Variants in SYN3 observed in about 807,000 individuals in gnomAD.
SYN3 encodes synapsin-3.
SYN3 carries 35 observed loss-of-function variants against 65.8 expected under a neutral mutation model. The observed-to-expected ratio is 0.53, with a 90% CI of 0.41 to 0.70. The LOEUF (loss-of-function observed/expected upper bound fraction) is 0.70, where lower values mean the gene tolerates loss of function less well. Ranked by LOEUF, SYN3 falls within the 30% of genes least tolerant of loss-of-function variation. The probability of loss-of-function intolerance (pLI) is 0.00; values close to 1 mark genes in which losing one functional copy is unlikely to be tolerated. For synonymous variants in SYN3, 270 were observed against 292.9 expected, an observed-to-expected ratio of 0.92 and a Z score of 0.80; for missense variants, 680 against 749.0, an observed-to-expected ratio of 0.91 and a Z score of 1.08.
At chr22:32,693,110 A>T (rs1601925028) in intron 6 of SYN3, among the ~76,000 whole-genome samples, 1 of 152,230 alleles carries the variant, frequency 6.6e-6, no homozygotes, top group African/African-American at 2.4e-5. Context: ...CCAATTACAT[A>T]CATACATATG....
At chr22:32,538,149 C>T in intron 8 of SYN3, 39 bp from the exon 9 acceptor site, 2 of 1,581,168 alleles carry the variant, frequency 1.3e-6, no homozygotes, top group Non-Finnish European at 1.7e-6. Flanking sequence ...GAATTAGGGA[C>T]CCTCGTCACT....
At chr22:32,615,441 A>AAAAAAAAG (rs1569093389) in intron 6 of SYN3, among the ~76,000 whole-genome samples, 1 of 150,714 alleles carries the variant, frequency 6.6e-6, no homozygotes, top group African/African-American at 2.4e-5. Context: ...CTAAAAAAAA[A>AAAAAAAAG]AAAAAAAAAA....
chr22:32,584,609 C>T, intron 7 of SYN3, among the ~76,000 whole-genome samples: 1 of 152,212 alleles, frequency 6.6e-6, no homozygotes, highest in East Asian at 1.9e-4. Context: ...GAGGGGTCCT[C>T]TGCATCAGTG....
At chr22:32,880,000 G>A (rs1337712717) in intron 4 of SYN3, among the ~76,000 whole-genome samples, 1 of 152,152 alleles carries the variant, frequency 6.6e-6, no homozygotes, top group Admixed American at 6.5e-5. Context: ...AGGAGAGTTG[G>A]GCTATGTGAC....
chr22:33,056,587 T>C (rs1276406086), intron 1 of SYN3, among the ~76,000 whole-genome samples: 1 of 152,248 alleles, frequency 6.6e-6, no homozygotes, highest in Non-Finnish European at 1.5e-5. Context: ...AGACCTCTCT[T>C]GCACTGCACC....
intron 6 of SYN3, among the ~76,000 whole-genome samples, chr22:32,719,170 C>T (rs183540836): frequency 6.6e-6 from 1 of 152,314 alleles, no homozygotes; most frequent in Admixed American, 6.5e-5. Flanking sequence ...GCACCACATA[C>T]TAAAATTACT....
chr22:32,958,093 C>T (rs1467425005), intron 3 of SYN3, among the ~76,000 whole-genome samples: 1 of 152,214 alleles, frequency 6.6e-6, no homozygotes, highest in Admixed American at 6.5e-5. Context: ...CAACAACATG[C>T]TCAACTCACA....
intron 1 of SYN3, chr22:33,057,817 G>A (rs888653183): frequency 1.3e-5 from 2 of 152,612 alleles, no homozygotes; most frequent in African/African-American, 4.8e-5. Context: ...AGGATGACTG[G>A]AAATCGGAAA....
rs2046361389 is a variant in SYN3, at chr22:32,793,260, A to C, written c.711+71655T>G. 2.6e-5 allele frequency among the ~76,000 whole-genome samples: 4 copies of C among 152,324 alleles called. No homozygotes were observed. The South Asian group carries it at 8.3e-4, about 32-fold the overall frequency. ...TGGAGTGACGGGAAGATGATGAGGT[A>C]CTAAGGAGTCTGATTCTTTGTTTGC... On this transcript the variant is annotated intron_variant, in intron 6 of 13. Transcript: ENST00000358763.
At chr22:32,844,288 G>A (rs752390287) in intron 6 of SYN3, among the ~76,000 whole-genome samples, 3 of 152,178 alleles carry the variant, frequency 2.0e-5, no homozygotes, top group Non-Finnish European at 2.9e-5. Flanking sequence ...CAGCACATGT[G>A]CAATTTCTGG....
chr22:32,885,721 C>T (rs1218963391), intron 4 of SYN3, among the ~76,000 whole-genome samples: 1 of 152,072 alleles, frequency 6.6e-6, no homozygotes, highest in East Asian at 1.9e-4. Context: ...CCACCATGCC[C>T]AGCTAATTTT....
At chr22:32,761,386 G>A (rs544325606) in intron 6 of SYN3, among the ~76,000 whole-genome samples, 2 of 152,226 alleles carry the variant, frequency 1.3e-5, no homozygotes, top group Non-Finnish European at 2.9e-5. Context: ...TGAGTCACGA[G>A]AAGGGGTGTG....
intron 6 of SYN3, chr22:32,849,436 C>T: frequency 6.2e-7 from 1 of 1,612,460 alleles, no homozygotes. Flanking sequence ...CTTATTGTCT[C>T]CTTCTGTCTC....
intron 6 of SYN3, among the ~76,000 whole-genome samples, chr22:32,652,199 G>T (rs552707384): frequency 9.2e-5 from 14 of 152,040 alleles, no homozygotes; most frequent in African/African-American, 3.1e-4. Context: ...TCTCCTCCCC[G>T]CTAGTCCCCA....
chr22:32,996,541 G>A (rs966000820), intron 2 of SYN3, among the ~76,000 whole-genome samples: 5 of 151,858 alleles, frequency 3.3e-5, no homozygotes, highest in Admixed American at 2.6e-4. Flanking sequence ...TCAAGCCCAC[G>A]CTACCACCTG....
intron 3 of SYN3, 57 bp downstream of exon 3, chr22:32,980,588 C>T (rs2052341462): frequency 1.3e-6 from 2 of 1,522,008 alleles, no homozygotes; most frequent in African/African-American, 1.4e-5. Context: ...CATGTAAGAA[C>T]AGCCCCAGCG....
chr22:32,520,465 A>C (rs555074245), intron 12 of SYN3, among the ~76,000 whole-genome samples: 2 of 152,112 alleles, frequency 1.3e-5, no homozygotes, highest in Non-Finnish European at 2.9e-5. Context: ...TGAGACCCAG[A>C]TATATTGTGA....
chr22:32,709,495 G>T (rs975763247), intron 6 of SYN3, among the ~76,000 whole-genome samples: 1 of 152,202 alleles, frequency 6.6e-6, no homozygotes, highest in Non-Finnish European at 1.5e-5. Context: ...TTGGAAAATA[G>T]AAACTTTTTT....
chr22:32,533,929 C>T (rs776407863), intron 9 of SYN3, 34 bp from the exon 10 acceptor site: 2 of 1,518,288 alleles, frequency 1.3e-6, no homozygotes, highest in South Asian at 2.3e-5. Flanking sequence ...GTGAAGTGGC[C>T]TGGGAAAGTG....
Sources: gnomAD v4.1 joint callset for allele counts (sites outside exome capture counted in the v4.1 genomes callset) on GRCh38, gnomAD v4.1.1 for gene constraint, MANE v1.5 for transcripts, NCBI Gene and HGNC (gene_info 2026-07-23, HGNC 2026-07-21) for gene names.